AP4S1: variants seen among roughly 807,000 people sequenced by gnomAD.
The protein encoded by AP4S1 is adaptor related protein complex 4 subunit sigma 1.
In AP4S1, 23 loss-of-function variants were observed where a neutral mutation model predicts 19.8. That is an observed-to-expected ratio of 1.16 (90% confidence interval 0.84 to 1.65). AP4S1 has a LOEUF of 1.65. Ranked by LOEUF, AP4S1 falls within the 40% of genes most tolerant of loss-of-function variation. The pLI is 0.00. For missense variants in AP4S1, 166 were observed against 172.8 expected, an observed-to-expected ratio of 0.96 and a Z score of 0.22; for synonymous variants, 46 against 54.1, an observed-to-expected ratio of 0.85 and a Z score of 0.66.
rs1594722815 is a variant in AP4S1 at position 31,094,913 on chromosome 14, G to A, written c.*1878G>A. ...CACCTCTAATCTCAGCTACTCAGGAGGCTGAGGCAGTAGAATTGCTTGAAC... is the reference window on the plus strand; with the variant it reads ...CACCTCTAATCTCAGCTACTCAGGAAGCTGAGGCAGTAGAATTGCTTGAAC... On this transcript the variant is annotated 3_prime_UTR_variant, in exon 6 of 6. Coordinates refer to ENST00000542754, the MANE Select transcript of AP4S1 (RefSeq NM_001128126.3). 6.6e-6 allele frequency: 1 copy of A among 152,290 alleles called. No individual in the cohort carries two copies. The highest frequency in any genetic ancestry group is 1.5e-5 in the Non-Finnish European group (1 of 68,158). 9.4% of individuals were successfully genotyped at this position (152,290 alleles called of 1,614,324 possible).
At chr14:31,069,977 T>C in intron 3 of AP4S1, 48 bp downstream of exon 3, 2 of 1,451,612 alleles carry the variant, frequency 1.4e-6, no homozygotes, top group Non-Finnish European at 1.9e-6. Flanking sequence ...TTCTTTCTAC[T>C]TGCCTCCCTA....
At chr14:31,073,526 A>G (rs1307028727) in intron 4 of AP4S1, among the ~76,000 whole-genome samples, 8 of 151,248 alleles carry the variant, frequency 5.3e-5, no homozygotes, top group Non-Finnish European at 1.0e-4. Context: ...TTTTCTCCCA[A>G]TTATGAGCTT....
chr14:31,081,211 T>C (rs1887621928), intron 5 of AP4S1, among the ~76,000 whole-genome samples: 2 of 152,194 alleles, frequency 1.3e-5, no homozygotes, highest in Admixed American at 1.3e-4. Flanking sequence ...AAAATTTAAA[T>C]AACACAGCCA....
At chr14:31,092,799 C>A in intron 5 of AP4S1, 108 bp from the exon 6 acceptor site, 1 of 794,564 alleles carries the variant, frequency 1.3e-6, no homozygotes, top group African/African-American at 1.8e-5. Context: ...TACAAAAAAC[C>A]TCATGCTTAG....
intron 2 of AP4S1, among the ~76,000 whole-genome samples, chr14:31,067,233 T>A (rs1886769018): frequency 6.7e-6 from 1 of 150,356 alleles, no homozygotes; most frequent in Non-Finnish European, 1.5e-5. Context: ...GGAGGTTAAA[T>A]AGGAATTTTT....
intron 1 of AP4S1, among the ~76,000 whole-genome samples, chr14:31,033,782 A>G (rs952036602): frequency 1.3e-5 from 2 of 152,228 alleles, no homozygotes; most frequent in African/African-American, 4.8e-5. Flanking sequence ...GGAAAAGGAA[A>G]AGGATCTTCA....
intron 5 of AP4S1, among the ~76,000 whole-genome samples, chr14:31,090,945 A>G (rs1237709147): frequency 7.2e-5 from 11 of 152,258 alleles, no homozygotes; most frequent in Admixed American, 6.5e-4. Context: ...GCACAGTCAC[A>G]TGTCCACAGT....
In AP4S1 at chr14:31,080,634, G is replaced by T. The variant is rs1315033150; in HGVS notation, c.306+50G>T. ...CACAGTACTTGGCAAATGCACTCTG[G>T]TCCTTATCAGGTAAGTACCACAAGG... is the stretch of plus-strand genomic sequence containing the variant. On this transcript the variant is annotated intron_variant, in intron 5 of 5. Transcript: ENST00000542754. 1.9e-6 allele frequency: 3 copies of T among 1,612,782 alleles called. No individual in the cohort carries two copies. Among genetic ancestry groups the T allele is most frequent in the Admixed American group, 3.3e-5 (2 of 60,002 alleles).
intron 1 of AP4S1, among the ~76,000 whole-genome samples, chr14:31,065,530 C>T (rs933305352): frequency 9.2e-5 from 14 of 152,198 alleles, no homozygotes; most frequent in African/African-American, 2.9e-4. Flanking sequence ...CTTGACACAT[C>T]GTTGTTACCC....
rs781652526 is a variant in AP4S1 at position 31,072,963 on chromosome 14, T to G, written c.284T>G (p.Phe95Cys). ...TTTGTGGAAGTTTTAGATGAGTATT[T>G]CAGCCGAGTGGTAAGTCTAATGGCT... ...HNFVEVLDEY[F>C]SRVSELDIMF... Residue 95 changes from phenylalanine to cysteine, a missense_variant, in exon 4 of 6, where the codon TTC (phenylalanine) becomes TGC (cysteine). Phe to Cys is a radical substitution (Grantham distance 205). Coordinates refer to ENST00000542754, the MANE Select transcript of AP4S1 (RefSeq NM_001128126.3). The G allele has an allele frequency of 3.7e-6, 6 of 1,613,710 alleles. No homozygotes were observed. The South Asian group carries it at 6.6e-5, about 18-fold the overall frequency.
chr14:31,088,390 G>A (rs1387240696), intron 5 of AP4S1, among the ~76,000 whole-genome samples: 1 of 152,136 alleles, frequency 6.6e-6, no homozygotes, highest in South Asian at 2.1e-4. Flanking sequence ...TAACAGGCTC[G>A]TTGACCCACC....
At chr14:31,066,574 G>A (rs1008994743) in intron 2 of AP4S1, among the ~76,000 whole-genome samples, 6 of 152,160 alleles carry the variant, frequency 3.9e-5, no homozygotes, top group Non-Finnish European at 7.3e-5. Flanking sequence ...CAGCATATTT[G>A]TCTCAATGCA....
chr14:31,071,643 C>T (rs1172709810), intron 3 of AP4S1, among the ~76,000 whole-genome samples: 1 of 152,108 alleles, frequency 6.6e-6, no homozygotes, highest in South Asian at 2.1e-4. Context: ...TGGTCTCGAT[C>T]TCCTGACCTC....
intron 1 of AP4S1, chr14:31,026,507 A>T (rs118053150): frequency 6.8e-6 from 2 of 294,298 alleles, no homozygotes; most frequent in Admixed American, 5.3e-5. Flanking sequence ...ACGCAGCCTC[A>T]CGCTTAATCG....
chr14:31,026,134 G>A (rs1317860751), intron 1 of AP4S1: 3 of 1,497,746 alleles, frequency 2.0e-6, no homozygotes, highest in African/African-American at 1.5e-5. Context: ...TGCTGCCGGG[G>A]AGGGGCCGCC....
intron 5 of AP4S1, among the ~76,000 whole-genome samples, chr14:31,082,815 G>C (rs908518606): frequency 2.6e-5 from 4 of 151,728 alleles, no homozygotes; most frequent in Non-Finnish European, 5.9e-5. Flanking sequence ...AGAATGGCGT[G>C]AACCCGGGAG....
Position 31,093,113 on chromosome 14 carries a change from A to G in AP4S1, c.*78A>G. On this transcript the variant is annotated 3_prime_UTR_variant, in exon 6 of 6. Transcript: ENST00000542754. ...AATACATCTCAACATGTTAACCCAGAAGAATCTGGAAGACCACAATTACAA... is the reference window on the plus strand; with the variant it reads ...AATACATCTCAACATGTTAACCCAGGAGAATCTGGAAGACCACAATTACAA... 2 of 1,394,012 alleles carry G rather than the reference A, an allele frequency of 1.4e-6. No individual in the cohort carries two copies. The highest frequency in any genetic ancestry group is 3.0e-5 in the Admixed American group (1 of 33,408). 86.4% of individuals were successfully genotyped at this position (1,394,012 alleles called of 1,614,324 possible). A position where few individuals can be genotyped will look rare whatever the true frequency, so the allele number is the denominator to read the frequency against.
chr14:31,075,741 A>T (rs1290587421), intron 4 of AP4S1, among the ~76,000 whole-genome samples: 5 of 143,108 alleles, frequency 3.5e-5, no homozygotes, highest in Admixed American at 1.4e-4. Context: ...GGATATACCA[A>T]TTTTTTTTTT....
In AP4S1 at chr14:31,069,886, A is replaced by G; in HGVS notation, c.182A>G (p.Gln61Arg). The G allele has an allele frequency of 6.2e-7, 1 of 1,613,776 alleles. No homozygotes were observed. The highest frequency in any genetic ancestry group is 8.5e-7 in the Non-Finnish European group (1 of 1,179,678). The change falls in exon 3 of 6, where the codon CAG (glutamine) becomes CGG (arginine). Residue 61 changes from glutamine to arginine, a missense_variant. Physicochemically the swap from Gln to Arg is conservative, Grantham distance 43. Transcript: ENST00000542754. ...AAGGATTTTAAGCTGATATATCGGCAGTATGCAGCTCTCTTCATTGTGGTT... is the reference window on the plus strand; with the variant it reads ...AAGGATTTTAAGCTGATATATCGGCGGTATGCAGCTCTCTTCATTGTGGTT... ...EYKDFKLIYR[Q>R]YAALFIVVGV...
Sources: gnomAD v4.1 joint callset for allele counts (sites outside exome capture counted in the v4.1 genomes callset) on GRCh38, gnomAD v4.1.1 for gene constraint, MANE v1.5 for transcripts, NCBI Gene and HGNC (gene_info 2026-07-23, HGNC 2026-07-21) for gene names.